RIPK2: variants seen among roughly 807,000 people sequenced by gnomAD.
RIPK2 encodes the protein receptor-interacting serine/threonine-protein kinase 2.
RIPK2 carries 38 observed loss-of-function variants against 60.9 expected under a neutral mutation model. The observed-to-expected ratio is 0.62, with a 90% CI of 0.48 to 0.82. The LOEUF (loss-of-function observed/expected upper bound fraction) is 0.82. Ranked by LOEUF, RIPK2 falls within the 40% of genes least tolerant of loss-of-function variation. The pLI, the probability that RIPK2 is intolerant of heterozygous loss-of-function variation, is 0.00. For synonymous variants in RIPK2, 225 were observed against 223.4 expected (o/e 1.01, Z -0.06); for missense variants, 518 against 647.0 (o/e 0.80, Z 2.16).
rs150919770 is a variant in RIPK2 at position 89,760,310 on chromosome 8, G to A, written c.173+2077G>A. On this transcript the variant is annotated intron_variant, in intron 1 of 10. Coordinates refer to ENST00000220751, the MANE Select transcript of RIPK2 (RefSeq NM_003821.6). ...CTCCATAACCTGACTTCTATCCGAT[G>A]AGTGGACCTTCCCCAACAATCTTCC... Among the ~76,000 whole-genome samples, 4 of 152,248 alleles carry A rather than the reference G, an allele frequency of 2.6e-5. No individual in the cohort carries two copies. The East Asian group carries it at 7.7e-4, about 29-fold the overall frequency.
Position 89,779,755 on chromosome 8 carries a change from T to C in RIPK2, c.854-320T>C, listed in dbSNP as rs1462315965. On this transcript the variant is annotated intron_variant, in intron 6 of 10. Transcript: ENST00000220751. The stretch of plus-strand genomic sequence containing the variant: ...ATTTCAAGTTAGTTTTTATGTGTAG[T>C]GTGATATAAGTATCTAAATTTATCT... 4.6e-5 allele frequency among the ~76,000 whole-genome samples: 7 copies of C among 152,228 alleles called. No homozygotes were observed. In the East Asian group the frequency reaches 1.3e-3, roughly 29 times the overall value.
At chr8:89,765,249 G>C in intron 2 of RIPK2, 92 bp from the exon 3 acceptor site, 1 of 869,486 alleles carries the variant, frequency 1.2e-6, no homozygotes, top group Non-Finnish European at 1.8e-6. Context: ...AGTTTATACT[G>C]TATTTCCTCA....
intron 6 of RIPK2, among the ~76,000 whole-genome samples, chr8:89,773,679 C>T (rs1213534130): frequency 1.3e-5 from 2 of 152,104 alleles, no homozygotes; most frequent in East Asian, 3.9e-4. Context: ...CTAGAAAAGA[C>T]ACTTTCAGGA....
chr8:89,768,861 T>C (rs1358934704), intron 3 of RIPK2, among the ~76,000 whole-genome samples: 2 of 151,496 alleles, frequency 1.3e-5, no homozygotes, highest in East Asian at 3.9e-4. Context: ...ATATAGGAGG[T>C]AAACAATGGA....
chr8:89,784,699 G>A (rs528799514), intron 8 of RIPK2, among the ~76,000 whole-genome samples: 1 of 152,288 alleles, frequency 6.6e-6, no homozygotes, highest in African/African-American at 2.4e-5. Context: ...CCAACATGAT[G>A]CCACAAGTGG....
intron 6 of RIPK2, among the ~76,000 whole-genome samples, chr8:89,778,497 A>T (rs1360911946): frequency 6.6e-6 from 1 of 152,222 alleles, no homozygotes; most frequent in East Asian, 1.9e-4. Flanking sequence ...CTAGGTAACC[A>T]GTAATCTATT....
chr8:89,771,176 A>G (rs1388383938), intron 4 of RIPK2, among the ~76,000 whole-genome samples: 2 of 151,870 alleles, frequency 1.3e-5, no homozygotes, highest in African/African-American at 2.4e-5. Flanking sequence ...CTGTAACACA[A>G]GGTGTTAGTA....
chr8:89,778,383 A>G lies in RIPK2; in HGVS notation c.854-1692A>G, dbSNP rs192173157. Among the ~76,000 whole-genome samples the G allele has an allele frequency of 3.0e-4, 46 of 152,306 alleles. No individual in the cohort carries two copies. The East Asian group carries it at 7.5e-3, about 25-fold the overall frequency. ...TTGACTTTTTAGTATTAATAATTTT[A>G]CAGTTTGCAACCATTACTATAATCC... On this transcript the variant is annotated intron_variant, in intron 6 of 10. Coordinates refer to ENST00000220751, the MANE Select transcript of RIPK2 (RefSeq NM_003821.6).
intron 6 of RIPK2, among the ~76,000 whole-genome samples, chr8:89,777,453 A>G (rs1320862360): frequency 3.9e-5 from 6 of 152,208 alleles, no homozygotes; most frequent in Non-Finnish European, 8.8e-5. Flanking sequence ...AACAATGGAT[A>G]TAAGTATTGA....
intron 3 of RIPK2, among the ~76,000 whole-genome samples, chr8:89,768,037 T>C (rs1225651492): frequency 6.6e-6 from 1 of 151,718 alleles, no homozygotes; most frequent in Non-Finnish European, 1.5e-5. Context: ...ATGCAGACTT[T>C]AGTGAAAGTG....
chr8:89,759,214 G>A, intron 1 of RIPK2: 1 of 443,904 alleles, frequency 2.3e-6, no homozygotes, highest in Non-Finnish European at 4.6e-6. Context: ...TTAAGGGAAG[G>A]TTAGCATTAG....
intron 3 of RIPK2, 117 bp downstream of exon 3, chr8:89,765,613 A>T (rs1174588228): frequency 1.7e-6 from 1 of 575,306 alleles, no homozygotes; most frequent in South Asian, 2.9e-5. Flanking sequence ...GAGACTAATG[A>T]ATAGTAATTT....
rs1347990421 is a variant in RIPK2, at chr8:89,786,597, C to T, written c.1034C>T (p.Ser345Leu). The stretch of plus-strand genomic sequence containing the variant: ...TTTATTTTTTATTTACTTTAGGAAT[C>T]ATGTGGATCCTCTCAGCTCCATGAA... Reference protein sequence around the residue: ...IPVNHGPQEESCGSSQLHENS... With the variant: ...IPVNHGPQEELCGSSQLHENS... The change falls in exon 9 of 11, where the codon TCA becomes TTA. Residue 345 changes from serine (S) to leucine (L), a missense_variant. This residue lies in a region of RIPK2 where 448 missense variants were observed against 534.7 expected (regional missense o/e 0.84). Transcript: ENST00000220751. 2 of 1,544,648 alleles carry T rather than the reference C, an allele frequency of 1.3e-6. No homozygotes were observed. Among genetic ancestry groups the T allele is most frequent in the African/African-American group, 2.8e-5 (2 of 72,326 alleles).
chr8:89,788,346 TAAAA>T (rs370154624), intron 9 of RIPK2, among the ~76,000 whole-genome samples: 3 of 145,030 alleles, frequency 2.1e-5, no homozygotes, highest in Admixed American at 1.4e-4. Context: ...CTATCTCAAT[TAAAA>T]AAAAAAAAAG....
chr8:89,767,634 C>T (rs1370518529), intron 3 of RIPK2, among the ~76,000 whole-genome samples: 1 of 151,696 alleles, frequency 6.6e-6, no homozygotes, highest in Non-Finnish European at 1.5e-5. Context: ...CCCTGTCTCC[C>T]AAAGCAGTTA....
chr8:89,772,674 C>T lies in RIPK2; in HGVS notation c.699C>T (p.Thr233=). The T allele has an allele frequency of 1.3e-6, 2 of 1,597,124 alleles. No homozygotes were observed. The highest frequency in any genetic ancestry group is 1.1e-5 in the South Asian group (1 of 88,314). ...ATCTATTTGTTTTGACAGATGTCAC[C>T]AATCCTTTGCAGATAATGTATAGTG... ...LSRKQPFEDV[T]NPLQIMYSVS... is the part of the protein sequence containing the mutation. The change falls in exon 6 of 11, where the codon ACC becomes ACT. Residue 233 remains threonine (T), a synonymous_variant. Transcript: ENST00000220751.
intron 9 of RIPK2, among the ~76,000 whole-genome samples, chr8:89,787,781 T>C (rs1444745024): frequency 6.6e-6 from 1 of 152,154 alleles, no homozygotes; most frequent in Non-Finnish European, 1.5e-5. Context: ...TCATTCTGGC[T>C]GGAATGTGTA....
At position 89,786,603 on chromosome 8, in the gene RIPK2, G is replaced by A. The variant is rs1326771069; in HGVS notation, c.1040G>A (p.Gly347Glu). The change falls in exon 9 of 11, where the codon GGA (glycine) becomes GAA (glutamate). Residue 347 changes from glycine (G) to glutamate (E), a missense_variant. By Grantham distance (98) the Gly-to-Glu change is moderately conservative. This residue lies in a region of RIPK2 where 448 missense variants were observed against 534.7 expected (regional missense o/e 0.84). Transcript: ENST00000220751. ...TTTTATTTACTTTAGGAATCATGTG[G>A]ATCCTCTCAGCTCCATGAAAATAGT... ...VNHGPQEESC[G>E]SSQLHENSGS... The A allele has an allele frequency of 1.9e-6, 3 of 1,565,246 alleles. No homozygotes were observed. Among genetic ancestry groups the A allele is most frequent in the South Asian group, 2.3e-5 (2 of 87,578 alleles).
At chr8:89,765,193 A>G in intron 2 of RIPK2, 148 bp from the exon 3 acceptor site, 1 of 519,350 alleles carries the variant, frequency 1.9e-6, no homozygotes, top group Non-Finnish European at 3.3e-6. Flanking sequence ...GTTAAACCCT[A>G]TCAAATTGGT....
Sources: gnomAD v4.1 joint callset for allele counts (sites outside exome capture counted in the v4.1 genomes callset) on GRCh38, gnomAD v4.1.1 for gene constraint, gnomAD v4.1.1 regional missense constraint, MANE v1.5 for transcripts, NCBI Gene and HGNC (gene_info 2026-07-23, HGNC 2026-07-21) for gene names.